The following ZDHHC1 variants were observed in gnomAD, a reference collection of about 807,000 sequenced individuals.
ZDHHC1 encodes palmitoyltransferase ZDHHC1.
Under a neutral mutation model 46.9 loss-of-function variants are expected in ZDHHC1, and 45 were observed. The ratio of observed to expected loss-of-function variants is 0.96; its 90% CI spans 0.76 to 1.23. ZDHHC1 has a LOEUF of 1.23. Ranked by LOEUF, ZDHHC1 falls within the 50% of genes most tolerant of loss-of-function variation. ZDHHC1 has a pLI of 0.00. For synonymous variants in ZDHHC1, 291 were observed against 286.0 expected, an observed-to-expected ratio of 1.02 and a Z score of -0.18; for missense variants, 649 against 670.8, an observed-to-expected ratio of 0.97 and a Z score of 0.36.
At chr16:67,405,648 A>C (rs552210842) in intron 3 of ZDHHC1, among the ~76,000 whole-genome samples, 15 of 152,286 alleles carry the variant, frequency 9.8e-5, no homozygotes, top group Admixed American at 4.6e-4. Flanking sequence ...CATTCGAGGT[A>C]TCTCCATCCC....
rs943443640 is a variant in ZDHHC1 at position 67,394,662 on chromosome 16, G to A, written c.1397C>T (p.Pro466Leu). ...CGGCGCCCTGGGCTCGCCGCTGCTC[G>A]GGCTCACGAAAACGGCGGGCGCACG... Reference protein sequence around the residue: ...QARAPAVFVSPSSGEPRAPGG... With the variant: ...QARAPAVFVSLSSGEPRAPGG... Residue 466 changes from proline (P) to leucine (L), a missense_variant, in exon 12 of 12, where the codon CCG becomes CTG. Pro to Leu is a moderately conservative substitution (Grantham distance 98). Coordinates refer to ENST00000565726, the MANE Select transcript of ZDHHC1 (RefSeq NM_001323627.2). 7 of 1,244,712 alleles carry A rather than the reference G, an allele frequency of 5.6e-6. No individual in the cohort carries two copies. The African/African-American group carries it at 9.5e-5, about 17-fold the overall frequency. 77.1% of individuals were successfully genotyped at this position (1,244,712 alleles called of 1,614,324 possible). A position where few individuals can be genotyped will look rare whatever the true frequency, so the allele number is the denominator to read the frequency against.
At chr16:67,407,011 T>C (rs1276372845) in intron 2 of ZDHHC1, among the ~76,000 whole-genome samples, 1 of 152,172 alleles carries the variant, frequency 6.6e-6, no homozygotes, top group Non-Finnish European at 1.5e-5. Flanking sequence ...CTGAGGGTTC[T>C]CAGCTGGGGA....
intron 3 of ZDHHC1, among the ~76,000 whole-genome samples, chr16:67,402,668 C>T (rs1461064057): frequency 6.6e-6 from 1 of 151,786 alleles, no homozygotes; most frequent in East Asian, 1.9e-4. Context: ...GCTCTGTTGC[C>T]CAGGCTGGAG....
chr16:67,406,401 C>CAG lies in ZDHHC1; in HGVS notation c.50_51insCT (p.Glu17AspfsTer2), dbSNP rs2142250953. 1.9e-6 allele frequency: 3 copies of CAG among 1,570,070 alleles called. No homozygotes were observed. The highest frequency in any genetic ancestry group is 2.6e-6 in the Non-Finnish European group (3 of 1,157,254). On this transcript the variant is annotated frameshift_variant, in exon 3 of 12. Transcript: ENST00000565726. LOFTEE classifies it high-confidence loss of function. The surrounding 1 kb of genome is among the most constrained non-coding windows in gnomAD (Gnocchi z 4.1). ...GTGCCGGTGCCGTCCACACACTCTT[C>CAG]TCAGGGGCCGTCTTGTTGGAGGGCT...
At chr16:67,404,669 G>A in intron 3 of ZDHHC1, 3 of 454,986 alleles carry the variant, frequency 6.6e-6, no homozygotes, top group Non-Finnish European at 8.8e-6. Flanking sequence ...CTCACTGGGT[G>A]CCCGCTATGT....
chr16:67,412,420 C>T (rs1483333994), intron 1 of ZDHHC1, among the ~76,000 whole-genome samples: 1 of 152,106 alleles, frequency 6.6e-6, no homozygotes, highest in Non-Finnish European at 1.5e-5. Flanking sequence ...GTGGATGAAA[C>T]ACACTCGTGT....
In ZDHHC1 at chr16:67,412,111, C is replaced by CA. The variant is rs746919515; in HGVS notation, c.-39+4059dup. ...CTGGGCAACAGGCGAGACTCTGTCT[C>CA]AAAAAAAAAAACAAAAAAAGGCTGC... On this transcript the variant is annotated intron_variant, in intron 1 of 11. Coordinates refer to ENST00000565726, the MANE Select transcript of ZDHHC1 (RefSeq NM_001323627.2). Among the ~76,000 whole-genome samples, 627 of 130,760 alleles carry CA rather than the reference C, an allele frequency of 4.8e-3. 8 individuals are homozygous for CA. Among genetic ancestry groups the CA allele is most frequent in the East Asian group, 0.021 (93 of 4,442 alleles). The allele number at this position is 130,760 out of a possible 152,430, so 85.8% of individuals were successfully genotyped here. A position where few individuals can be genotyped will look rare whatever the true frequency, so the allele number is the denominator to read the frequency against.
intron 4 of ZDHHC1, 144 bp from the exon 5 acceptor site, chr16:67,399,600 C>A: frequency 6.4e-6 from 4 of 626,234 alleles, no homozygotes; most frequent in Non-Finnish European, 1.0e-5. Flanking sequence ...GGAGCGCGCG[C>A]GCCCTCTGCA....
intron 1 of ZDHHC1, among the ~76,000 whole-genome samples, chr16:67,409,535 C>T (rs370607606): frequency 2.6e-3 from 392 of 152,346 alleles, no homozygotes; most frequent in Middle Eastern, 0.017. Flanking sequence ...TCTTCACTGA[C>T]GACATTTTCT....
At chr16:67,405,219 A>T (rs772080538) in intron 3 of ZDHHC1, among the ~76,000 whole-genome samples, 7 of 152,220 alleles carry the variant, frequency 4.6e-5, no homozygotes, top group Non-Finnish European at 8.8e-5. Flanking sequence ...CTAAAAGAGC[A>T]TGTTCACATT....
chr16:67,405,335 T>C (rs1358490666), intron 3 of ZDHHC1, among the ~76,000 whole-genome samples: 1 of 152,260 alleles, frequency 6.6e-6, no homozygotes, highest in Non-Finnish European at 1.5e-5. Context: ...TGGCAGGAGC[T>C]GCTCGGTCCC....
rs562812145 is a variant in ZDHHC1, at chr16:67,402,780, C to T, written c.253-1648G>A. 6.3e-4 allele frequency among the ~76,000 whole-genome samples: 96 copies of T among 152,294 alleles called. 1 individual carries two copies. The highest frequency in any genetic ancestry group is 2.1e-3 in the African/African-American group (86 of 41,556). Reference sequence around the variant, plus strand: ...TAGCTGGGACTACAGGTGTTCGCCACCACGCCTGGCTAATTTTTGTATTTT... The same window carrying T: ...TAGCTGGGACTACAGGTGTTCGCCATCACGCCTGGCTAATTTTTGTATTTT... On this transcript the variant is annotated intron_variant, in intron 3 of 11. Transcript: ENST00000565726.
In ZDHHC1 at chr16:67,395,009, C is replaced by A; in HGVS notation, c.1158G>T (p.Pro386=). 6.2e-7 allele frequency: 1 copy of A among 1,610,394 alleles called. No homozygotes were observed. The highest frequency in any genetic ancestry group is 8.5e-7 in the Non-Finnish European group (1 of 1,178,520). ...ACAGGGAGAGGCGCTCACCCGACGCCGGATCCGAGGTCTCAGACGTTCGCA... is the reference window on the plus strand; with the variant it reads ...ACAGGGAGAGGCGCTCACCCGACGCAGGATCCGAGGTCTCAGACGTTCGCA... The part of the protein sequence containing the change: ...YKVRTSETSD[P]ASGPRAPSRR... Residue 386 remains proline, a synonymous_variant, in exon 11 of 12, where the codon CCG becomes CCT. Coordinates refer to ENST00000565726, the MANE Select transcript of ZDHHC1 (RefSeq NM_001323627.2).
At position 67,394,801 on chromosome 16, in the gene ZDHHC1, A is replaced by AAG; in HGVS notation, c.1257_1258insCT (p.Ser420LeufsTer46). ...TCGTCCACGGACTCTGCCGACGCCG[A>AAG]GTGGTAGGCGCCGGCAGGGCCAGCG... On this transcript the variant is annotated frameshift_variant, in exon 12 of 12. Coordinates refer to ENST00000565726, the MANE Select transcript of ZDHHC1 (RefSeq NM_001323627.2). LOFTEE classifies it low-confidence loss of function (END_TRUNC). 2 of 1,527,120 alleles carry AAG rather than the reference A, an allele frequency of 1.3e-6. No homozygotes were observed. Among genetic ancestry groups the AAG allele is most frequent in the South Asian group, 2.4e-5 (2 of 82,436 alleles). 94.6% of individuals were successfully genotyped at this position (1,527,120 alleles called of 1,614,324 possible).
At position 67,406,056 on chromosome 16, in the gene ZDHHC1, C is replaced by G; in HGVS notation, c.252+144G>C. ...AGGCTGGAGACAGGCTGGGAAGCAG[C>G]AAGTCCCCAGGACTGGGCCCACCCT... On this transcript the variant is annotated intron_variant, in intron 3 of 11. Coordinates refer to ENST00000565726, the MANE Select transcript of ZDHHC1 (RefSeq NM_001323627.2). The surrounding 1 kb of genome is among the most constrained non-coding windows in gnomAD (Gnocchi z 4.1). 1 of 1,278,914 alleles carries G rather than the reference C, an allele frequency of 7.8e-7. No homozygotes were observed. Among genetic ancestry groups the G allele is most frequent in the Non-Finnish European group, 1.0e-6 (1 of 965,472 alleles). 79.2% of individuals were successfully genotyped at this position (1,278,914 alleles called of 1,614,324 possible).
intron 1 of ZDHHC1, among the ~76,000 whole-genome samples, chr16:67,411,864 AC>A (rs1006674882): frequency 6.6e-6 from 1 of 152,222 alleles, no homozygotes; most frequent in African/African-American, 2.4e-5. Context: ...TGTAATCCCC[AC>A]ACTTTGGGAG....
At chr16:67,407,676 G>A in intron 2 of ZDHHC1, 91 bp downstream of exon 2, 1 of 775,228 alleles carries the variant, frequency 1.3e-6, no homozygotes, top group Non-Finnish European at 2.4e-6. Context: ...CCCTCATTAG[G>A]ACAACTTTCC....
At chr16:67,409,849 G>C (rs2040722082) in intron 1 of ZDHHC1, among the ~76,000 whole-genome samples, 1 of 152,214 alleles carries the variant, frequency 6.6e-6, no homozygotes, top group African/African-American at 2.4e-5. Flanking sequence ...GAGACCGGGT[G>C]CCTGCCCTCA....
At chr16:67,411,971 G>C (rs979874467) in intron 1 of ZDHHC1, among the ~76,000 whole-genome samples, 11 of 152,058 alleles carry the variant, frequency 7.2e-5, no homozygotes, top group African/African-American at 2.4e-4. Context: ...AAATTAGCTG[G>C]GCGTGGTGGT....
Sources: gnomAD v4.1 joint callset for allele counts (sites outside exome capture counted in the v4.1 genomes callset) on GRCh38, gnomAD v4.1.1 for gene constraint, Gnocchi (gnomAD v3.1) non-coding constraint, MANE v1.5 for transcripts, NCBI Gene and HGNC (gene_info 2026-07-23, HGNC 2026-07-21) for gene names.